NKAIN3: variants seen among roughly 807,000 people sequenced by gnomAD.
The protein encoded by NKAIN3 is sodium/potassium transporting ATPase interacting 3.
In NKAIN3, 25 loss-of-function variants were observed where a neutral mutation model predicts 30.2. The ratio of observed to expected loss-of-function variants is 0.83; its 90% CI spans 0.60 to 1.16. NKAIN3 has a LOEUF of 1.16. Among genes scored for constraint, NKAIN3 ranks in the 50% most tolerant of loss-of-function variants. The probability of loss-of-function intolerance (pLI) is 0.00; values close to 1 mark genes in which losing one functional copy is unlikely to be tolerated. For missense variants in NKAIN3, 225 were observed against 254.1 expected (o/e 0.89, Z 0.78); for synonymous variants, 91 against 89.6 (o/e 1.02, Z -0.09).
chr8:62,696,685 T>G (rs1814166576), intron 3 of NKAIN3, among the ~76,000 whole-genome samples: 1 of 151,892 alleles, frequency 6.6e-6, no homozygotes, highest in Non-Finnish European at 1.5e-5. Context: ...AAAGAAACAA[T>G]AAATTGTAAC....
intron 4 of NKAIN3, among the ~76,000 whole-genome samples, chr8:62,896,937 G>A (rs4376492): frequency 0.77 from 117,684 of 152,068 alleles, 46,394 homozygotes; most frequent in East Asian, 0.98. Flanking sequence ...AGAAGAGGCA[G>A]CTGATAACAT....
chr8:62,990,399 GT>G (rs138702093), intron 5 of NKAIN3: 24,463 of 1,184,292 alleles, frequency 0.021, 308 homozygotes, highest in South Asian at 0.027. Flanking sequence ...AAAAGCATAG[GT>G]TTTTTTTTAA....
At chr8:62,579,733 A>T in intron 2 of NKAIN3, 57 bp downstream of exon 2, 6 of 1,036,994 alleles carry the variant, frequency 5.8e-6, no homozygotes, top group Non-Finnish European at 7.7e-6. Context: ...TTCTATAAGA[A>T]TATAAATAAA....
At chr8:62,450,531 T>C (rs1805609324) in intron 1 of NKAIN3, among the ~76,000 whole-genome samples, 1 of 152,210 alleles carries the variant, frequency 6.6e-6, no homozygotes, top group African/African-American at 2.4e-5. Flanking sequence ...TTATCCACTT[T>C]AAATAGTGAC....
chr8:62,909,267 AG>A (rs771472363), intron 4 of NKAIN3, among the ~76,000 whole-genome samples: 5 of 152,330 alleles, frequency 3.3e-5, no homozygotes, highest in Non-Finnish European at 7.4e-5. Flanking sequence ...CAAAAAGTGG[AG>A]TTAGAATGTA....
rs550001809 is a variant in NKAIN3, at chr8:62,759,707, G to T, written c.471+12578G>T. 6.5e-5 allele frequency among the ~76,000 whole-genome samples: 9 copies of T among 138,048 alleles called. No homozygotes were observed. In the South Asian group the frequency reaches 2.3e-3, roughly 35 times the overall value. The allele number at this position is 138,048 out of a possible 152,430, so 90.6% of individuals were successfully genotyped here. On this transcript the variant is annotated intron_variant, in intron 4 of 6. Transcript: ENST00000623646. ...AATGATTAGAAAGTACATAGGCATG[G>T]GCAAGGACTTCATGTCTAAAACACC...
At chr8:62,896,503 T>C (rs1821433085) in intron 4 of NKAIN3, among the ~76,000 whole-genome samples, 4 of 152,160 alleles carry the variant, frequency 2.6e-5, no homozygotes, top group Admixed American at 2.6e-4. Context: ...GGCAGATTTT[T>C]TCCACCGTAA....
chr8:62,344,698 C>G, intron 1 of NKAIN3: 1 of 238,194 alleles, frequency 4.2e-6, no homozygotes, highest in South Asian at 5.0e-5. Context: ...TGTTTTTTAT[C>G]CTGCAACCCA....
chr8:62,814,455 T>G (rs1246450900), intron 4 of NKAIN3, among the ~76,000 whole-genome samples: 3 of 151,972 alleles, frequency 2.0e-5, no homozygotes, highest in Non-Finnish European at 2.9e-5. Flanking sequence ...GCCACACCTA[T>G]TCCAAAATCG....
chr8:62,299,491 T>C (rs545801865), intron 1 of NKAIN3, among the ~76,000 whole-genome samples: 5 of 152,286 alleles, frequency 3.3e-5, no homozygotes, highest in African/African-American at 9.6e-5. Context: ...ATAATTTTGC[T>C]ATAGTGAGTG....
rs537368359 is a variant in NKAIN3 at position 62,589,598 on chromosome 8, G to A, written c.193-116G>A. Reference sequence around the variant, plus strand: ...GAGAGCACTCTTTTCTGAGCGCTCCGTCAGTTTCTTCCCAGAAGACAGACT... The same window carrying A: ...GAGAGCACTCTTTTCTGAGCGCTCCATCAGTTTCTTCCCAGAAGACAGACT... On this transcript the variant is annotated intron_variant, in intron 2 of 6. Transcript: ENST00000623646. 259 of 514,678 alleles carry A rather than the reference G, an allele frequency of 5.0e-4. 1 individual carries two copies. The highest frequency in any genetic ancestry group is 2.9e-3 in the Admixed American group (86 of 30,104). The allele number at this position is 514,678 out of a possible 1,614,324, so 31.9% of individuals were successfully genotyped here.
chr8:62,486,140 G>C (rs1472213741), intron 1 of NKAIN3, among the ~76,000 whole-genome samples: 1 of 152,134 alleles, frequency 6.6e-6, no homozygotes, highest in African/African-American at 2.4e-5. Context: ...TGAGGACAGA[G>C]TCCTAGGGAC....
chr8:62,406,758 T>G (rs1327738011), intron 1 of NKAIN3, among the ~76,000 whole-genome samples: 1 of 152,200 alleles, frequency 6.6e-6, no homozygotes, highest in Non-Finnish European at 1.5e-5. Context: ...CTATTAGGTG[T>G]TCCTGTCTCT....
rs1014550366 is a variant in NKAIN3, at chr8:62,618,020, G to A, written c.273+28226G>A. On this transcript the variant is annotated intron_variant, in intron 3 of 6. Transcript: ENST00000623646. ...GTAAACCAACATTCATATGGCTTTC[G>A]TCTGGAATTATTCGAAAGATTATAT... Among the ~76,000 whole-genome samples, 8 of 152,168 alleles carry A rather than the reference G, an allele frequency of 5.3e-5. No individual in the cohort carries two copies. The South Asian group carries it at 6.2e-4, about 12-fold the overall frequency.
chr8:62,869,685 T>A (rs1189453614), intron 4 of NKAIN3, among the ~76,000 whole-genome samples: 1 of 151,598 alleles, frequency 6.6e-6, no homozygotes, highest in Non-Finnish European at 1.5e-5. Flanking sequence ...TTGCGGGGGG[T>A]AGGTGGGGCT....
intron 4 of NKAIN3, among the ~76,000 whole-genome samples, chr8:62,769,511 CA>C (rs1563553997): frequency 2.0e-5 from 3 of 152,026 alleles, no homozygotes; most frequent in African/African-American, 4.8e-5. Context: ...ATTCAATATG[CA>C]AAAAAATTCA....
rs181280406 is a variant in NKAIN3, at chr8:62,587,581, A to G, written c.193-2133A>G. Among the ~76,000 whole-genome samples, 70 of 152,046 alleles carry G rather than the reference A, an allele frequency of 4.6e-4. No homozygotes were observed. The East Asian group carries it at 8.7e-3, about 19-fold the overall frequency. ...ACTAAAATCTTTTAAAACAAAGCCT[A>G]CCCTGTATGTTTAAGCATCCCAGCT... On this transcript the variant is annotated intron_variant, in intron 2 of 6. Coordinates refer to ENST00000623646, the MANE Select transcript of NKAIN3 (RefSeq NM_001304533.3).
chr8:62,744,371 A>T (rs995043364), intron 3 of NKAIN3, among the ~76,000 whole-genome samples: 2 of 152,208 alleles, frequency 1.3e-5, no homozygotes, highest in African/African-American at 4.8e-5. Context: ...ATTTAATGAT[A>T]CCTATGCTGA....
At position 62,358,502 on chromosome 8, in the gene NKAIN3, A is replaced by G. The variant is rs532496903; in HGVS notation, c.54+109375A>G. 3.9e-5 allele frequency among the ~76,000 whole-genome samples: 6 copies of G among 152,252 alleles called. No individual in the cohort carries two copies. The South Asian group carries it at 1.2e-3, about 32-fold the overall frequency. On this transcript the variant is annotated intron_variant, in intron 1 of 6. Coordinates refer to ENST00000623646, the MANE Select transcript of NKAIN3 (RefSeq NM_001304533.3). Reference sequence around the variant, plus strand: ...AAATGAGTTCCCATTTGCATTTTTTATGCATTAGTTCAAAAAATTAAACAT... The same window carrying G: ...AAATGAGTTCCCATTTGCATTTTTTGTGCATTAGTTCAAAAAATTAAACAT...
Sources: gnomAD v4.1 joint callset for allele counts (sites outside exome capture counted in the v4.1 genomes callset) on GRCh38, gnomAD v4.1.1 for gene constraint, MANE v1.5 for transcripts, NCBI Gene and HGNC (gene_info 2026-07-23, HGNC 2026-07-21) for gene names.